The following RAB2A variants were observed in gnomAD, a reference collection of about 807,000 sequenced individuals.
RAB2A encodes ras-related protein Rab-2A.
In RAB2A, 7 loss-of-function variants were observed where a neutral mutation model predicts 32.5. That is an observed-to-expected ratio of 0.22 (90% CI 0.12 to 0.40). RAB2A has a LOEUF of 0.40. RAB2A is among the 10% of genes least tolerant of loss of function. The probability of loss-of-function intolerance (pLI) is 1.00; values close to 1 mark genes in which losing one functional copy is unlikely to be tolerated. For synonymous variants in RAB2A, 79 were observed against 85.2 expected (o/e 0.93, Z 0.40); for missense variants, 108 against 260.7 (o/e 0.41, Z 4.03).
chr8:60,579,425 A>G (rs918090253), intron 3 of RAB2A, among the ~76,000 whole-genome samples: 2 of 152,088 alleles, frequency 1.3e-5, no homozygotes, highest in Non-Finnish European at 2.9e-5. Flanking sequence ...CTCCACCCCA[A>G]GTTTGTTTTG....
chr8:60,522,727 TGGGGAAGGATTG>T (rs1807319625), intron 1 of RAB2A, among the ~76,000 whole-genome samples: 1 of 151,982 alleles, frequency 6.6e-6, no homozygotes, highest in Non-Finnish European at 1.5e-5. Flanking sequence ...GTAGAGGATT[TGGGGAAGGATTG>T]GGGAAGGAAG....
At chr8:60,620,483 T>C (rs1053896667) in intron 7 of RAB2A, among the ~76,000 whole-genome samples, 191 bp from the exon 8 acceptor site, 4 of 152,246 alleles carry the variant, frequency 2.6e-5, no homozygotes, top group African/African-American at 4.8e-5. Flanking sequence ...TTCAGAAACA[T>C]TTCCACAGTG....
At chr8:60,573,910 A>G (rs2130841659) in intron 3 of RAB2A, among the ~76,000 whole-genome samples, 1 of 152,312 alleles carries the variant, frequency 6.6e-6, no homozygotes. Context: ...AGTCTCCTGA[A>G]TAGCTAGGAC....
intron 3 of RAB2A, among the ~76,000 whole-genome samples, chr8:60,580,932 C>T (rs1276311357): frequency 6.6e-6 from 1 of 152,112 alleles, no homozygotes; most frequent in Non-Finnish European, 1.5e-5. Flanking sequence ...AGGACTTTTA[C>T]CTTTGCTTGA....
chr8:60,524,361 C>T (rs1264848574), intron 1 of RAB2A, among the ~76,000 whole-genome samples: 3 of 149,926 alleles, frequency 2.0e-5, no homozygotes, highest in African/African-American at 7.5e-5. Context: ...TCCTTCTGGC[C>T]CAGCTGTGCT....
At chr8:60,590,454 A>G (rs1803921549) in intron 5 of RAB2A, among the ~76,000 whole-genome samples, 1 of 150,354 alleles carries the variant, frequency 6.7e-6, no homozygotes, top group African/African-American at 2.4e-5. Flanking sequence ...CGTGAGCAAC[A>G]TAGTGAGACT....
chr8:60,581,313 C>T (rs1160675377), intron 3 of RAB2A, among the ~76,000 whole-genome samples: 1 of 152,152 alleles, frequency 6.6e-6, no homozygotes, highest in African/African-American at 2.4e-5. Flanking sequence ...CAAAGCATTT[C>T]AGAGAAGAAG....
chr8:60,558,120 T>G (rs1807966224), intron 1 of RAB2A, among the ~76,000 whole-genome samples: 2 of 152,108 alleles, frequency 1.3e-5, no homozygotes, highest in Admixed American at 1.3e-4. Flanking sequence ...GGTGACTGCT[T>G]TTAGTATTTT....
intron 1 of RAB2A, chr8:60,552,355 C>G (rs1323582122): frequency 6.6e-6 from 1 of 152,162 alleles, no homozygotes; most frequent in African/African-American, 2.4e-5. Context: ...CCAGGCTGGT[C>G]TAGAACTCCT....
intron 3 of RAB2A, among the ~76,000 whole-genome samples, chr8:60,574,483 C>G (rs1265191043): frequency 6.6e-6 from 1 of 152,128 alleles, no homozygotes; most frequent in Non-Finnish European, 1.5e-5. Flanking sequence ...TAAAGTACAT[C>G]GTTTTGAAAA....
intron 6 of RAB2A, among the ~76,000 whole-genome samples, chr8:60,606,159 CA>C (rs563838017): frequency 3.0e-4 from 45 of 151,874 alleles, no homozygotes; most frequent in Non-Finnish European, 6.0e-4. Context: ...AGAAAACAAA[CA>C]AACAAACAAA....
chr8:60,527,039 A>C (rs986212820), intron 1 of RAB2A, among the ~76,000 whole-genome samples: 2 of 152,134 alleles, frequency 1.3e-5, no homozygotes, highest in Admixed American at 6.6e-5. Context: ...TAATTAACTC[A>C]CAATTCCACA....
intron 3 of RAB2A, among the ~76,000 whole-genome samples, chr8:60,577,099 G>A (rs1192665784): frequency 6.6e-6 from 1 of 151,678 alleles, no homozygotes; most frequent in Non-Finnish European, 1.5e-5. Context: ...AGGCTGGAGT[G>A]CAGTGGTGTG....
chr8:60,598,011 A>G (rs576869560), intron 6 of RAB2A, among the ~76,000 whole-genome samples: 3 of 152,336 alleles, frequency 2.0e-5, no homozygotes, highest in South Asian at 4.1e-4. Context: ...GAGCCTGGGC[A>G]ACATGGTGAA....
At chr8:60,528,930 C>T (rs887414984) in intron 1 of RAB2A, among the ~76,000 whole-genome samples, 16 of 152,060 alleles carry the variant, frequency 1.1e-4, no homozygotes, top group African/African-American at 3.4e-4. Context: ...GGAACAGAAA[C>T]GCACTCCAGC....
At chr8:60,577,703 A>G (rs1395112064) in intron 3 of RAB2A, among the ~76,000 whole-genome samples, 5 of 151,020 alleles carry the variant, frequency 3.3e-5, no homozygotes, top group Admixed American at 3.3e-4. Context: ...GGCTCACTGC[A>G]AGCTTCGCCT....
chr8:60,591,109 A>G (rs904894055), intron 5 of RAB2A, among the ~76,000 whole-genome samples: 1 of 138,098 alleles, frequency 7.2e-6, no homozygotes, highest in Non-Finnish European at 1.5e-5. Flanking sequence ...TAAATAATAT[A>G]TAAAAAGTAA....
At position 60,572,089 on chromosome 8, in the gene RAB2A, G is replaced by A. The variant is rs1479580494; in HGVS notation, c.162G>A (p.Gln54=). The change falls in exon 3 of 8, where the codon CAG becomes CAA. Residue 54 remains glutamine, a synonymous_variant. Coordinates refer to ENST00000262646, the MANE Select transcript of RAB2A (RefSeq NM_002865.3). ...GARMITIDGK[Q]IKLQIWDTAG... ...GAATGATAACTATTGATGGGAAACA[G>A]ATAAAACTTCAGATATGGGATACGG... The A allele has an allele frequency of 6.2e-7, 1 of 1,608,468 alleles. No homozygotes were observed. The highest frequency in any genetic ancestry group is 1.1e-5 in the South Asian group (1 of 90,856).
chr8:60,585,223 T>G (rs957074346), intron 5 of RAB2A, among the ~76,000 whole-genome samples: 3 of 152,216 alleles, frequency 2.0e-5, no homozygotes, highest in Non-Finnish European at 4.4e-5. Context: ...TCACTAATTT[T>G]TGTAGAAACT....
Sources: gnomAD v4.1 joint callset for allele counts (sites outside exome capture counted in the v4.1 genomes callset) on GRCh38, gnomAD v4.1.1 for gene constraint, MANE v1.5 for transcripts, NCBI Gene and HGNC (gene_info 2026-07-23, HGNC 2026-07-21) for gene names.